Variants in CORO2B observed in about 807,000 individuals in gnomAD.
CORO2B encodes coronin 2B, also known as coronin-2B.
In CORO2B, 26 loss-of-function variants were observed where a neutral mutation model predicts 58.8. The ratio of observed to expected loss-of-function variants is 0.44; its 90% CI spans 0.32 to 0.61. The LOEUF (loss-of-function observed/expected upper bound fraction) is 0.61. Among genes scored for constraint, CORO2B ranks in the 20% least tolerant of loss-of-function variants. The pLI is 0.04. For missense variants in CORO2B, 460 were observed against 645.1 expected (o/e 0.71, Z 3.11); for synonymous variants, 242 against 253.8 (o/e 0.95, Z 0.44).
intron 2 of CORO2B, among the ~76,000 whole-genome samples, chr15:68,653,130 C>T (rs1901693289): frequency 6.6e-6 from 1 of 152,112 alleles, no homozygotes; most frequent in African/African-American, 2.4e-5. Context: ...CAAGGAGAGG[C>T]AGGGGTGGGG....
the CORO2B span, among the ~76,000 whole-genome samples, chr15:68,540,459 G>A: frequency 2.0e-5 from 3 of 152,160 alleles, no homozygotes; most frequent in Admixed American, 2.0e-4. Flanking sequence ...TCAAGATAAT[G>A]TCTGCCAAAT....
chr15:68,689,463 TATG>T (rs1227989557), intron 2 of CORO2B, among the ~76,000 whole-genome samples: 1 of 152,204 alleles, frequency 6.6e-6, no homozygotes, highest in Non-Finnish European at 1.5e-5. Context: ...ATGGGCTTGT[TATG>T]AGGATTAAAT....
chr15:68,579,450 T>C (rs1440165772), intron 1 of CORO2B, among the ~76,000 whole-genome samples, 173 bp downstream of exon 1: 2 of 151,842 alleles, frequency 1.3e-5, no homozygotes, highest in Non-Finnish European at 2.9e-5. Context: ...CCCCAAGGAC[T>C]GCGGAGGCCA....
intron 1 of CORO2B, among the ~76,000 whole-genome samples, chr15:68,623,266 A>G (rs1391058300): frequency 1.3e-5 from 2 of 152,196 alleles, no homozygotes; most frequent in African/African-American, 2.4e-5. Context: ...CGGCTCTTTT[A>G]AGCCCGGGCC....
intron 1 of CORO2B, among the ~76,000 whole-genome samples, chr15:68,623,555 A>G (rs1900585558): frequency 6.6e-6 from 1 of 152,106 alleles, no homozygotes. Context: ...CCTGCATGTA[A>G]ACAGAGGCTG....
the CORO2B span, among the ~76,000 whole-genome samples, chr15:68,572,759 ACT>A: frequency 6.6e-6 from 1 of 152,128 alleles, no homozygotes; most frequent in South Asian, 2.1e-4. Flanking sequence ...ATCCTAAACG[ACT>A]GGAAGGATCT....
chr15:68,718,494 T>G (rs182197383), intron 8 of CORO2B, among the ~76,000 whole-genome samples: 1 of 152,310 alleles, frequency 6.6e-6, no homozygotes, highest in East Asian at 1.9e-4. Flanking sequence ...GAGGCAGGTC[T>G]GGCCCAAGGA....
the CORO2B span, among the ~76,000 whole-genome samples, chr15:68,555,763 G>A: frequency 6.6e-6 from 1 of 151,788 alleles, no homozygotes; most frequent in African/African-American, 2.4e-5. Flanking sequence ...GAAGTCTGGG[G>A]GAAGTGGCCC....
chr15:68,620,004 C>A (rs147219538), intron 1 of CORO2B, among the ~76,000 whole-genome samples: 2 of 152,060 alleles, frequency 1.3e-5, no homozygotes, highest in African/African-American at 4.8e-5. Context: ...CTTTGCTTCC[C>A]GGGTTCAAGC....
intron 2 of CORO2B, among the ~76,000 whole-genome samples, chr15:68,652,137 A>G (rs1350849041): frequency 1.3e-5 from 2 of 152,180 alleles, no homozygotes; most frequent in African/African-American, 4.8e-5. Context: ...TCCACCACCC[A>G]TGATGCTGGT....
At chr15:68,635,073 C>T (rs112659955) in intron 1 of CORO2B, among the ~76,000 whole-genome samples, 1,599 of 152,304 alleles carry the variant, frequency 0.01, 33 homozygotes, top group African/African-American at 0.036. Flanking sequence ...GATTCTGAGG[C>T]AGATGACCTG....
chr15:68,725,702 A>G (rs1596043837), intron 11 of CORO2B, 141 bp from the exon 12 acceptor site: 1 of 1,026,444 alleles, frequency 9.7e-7, no homozygotes, highest in Admixed American at 2.3e-5. Context: ...GCACCTGGGG[A>G]GAATAAATGT....
intron 1 of CORO2B, among the ~76,000 whole-genome samples, chr15:68,624,147 C>T (rs559462588): frequency 2.0e-5 from 3 of 152,256 alleles, no homozygotes; most frequent in African/African-American, 7.2e-5. Context: ...AGCTGCCCAG[C>T]TTAAGTCAGG....
intron 2 of CORO2B, among the ~76,000 whole-genome samples, chr15:68,675,669 C>G (rs1457728973): frequency 6.6e-6 from 1 of 152,108 alleles, no homozygotes; most frequent in Non-Finnish European, 1.5e-5. Context: ...TTTTGTAAAA[C>G]CAAGGTCATG....
the CORO2B span, among the ~76,000 whole-genome samples, chr15:68,568,116 T>C: frequency 0.028 from 4,215 of 152,260 alleles, 183 homozygotes; most frequent in African/African-American, 0.093. Context: ...CCCCCTGGGG[T>C]TCCTTGTAGG....
At chr15:68,588,631 C>A (rs4776411) in intron 1 of CORO2B, among the ~76,000 whole-genome samples, 1 of 152,046 alleles carries the variant, frequency 6.6e-6, no homozygotes, top group Non-Finnish European at 1.5e-5. Flanking sequence ...ATGCCCCCAG[C>A]GCTCAGACCT....
chr15:68,650,374 A>ATGGAG (rs1566995963), intron 2 of CORO2B, among the ~76,000 whole-genome samples: 1 of 18,358 alleles, frequency 5.4e-5, no homozygotes, highest in Admixed American at 6.7e-4. Flanking sequence ...AAAAAAAAAA[A>ATGGAG]AAAAAAAAAA....
At chr15:68,639,207 C>G (rs1024230711) in intron 1 of CORO2B, among the ~76,000 whole-genome samples, 2 of 152,120 alleles carry the variant, frequency 1.3e-5, no homozygotes, top group African/African-American at 4.8e-5. Context: ...GCTCTTGCCC[C>G]CCTACCATAC....
At chr15:68,553,204 C>T in the CORO2B span, among the ~76,000 whole-genome samples, 1 of 152,144 alleles carries the variant, frequency 6.6e-6, no homozygotes, top group African/African-American at 2.4e-5. Context: ...GAGGGGTGGT[C>T]GGCTGAATGA....
Sources: gnomAD v4.1 joint callset for allele counts (sites outside exome capture counted in the v4.1 genomes callset) on GRCh38, gnomAD v4.1.1 for gene constraint, MANE v1.5 for transcripts, NCBI Gene and HGNC (gene_info 2026-07-23, HGNC 2026-07-21) for gene names.